EHMT1: variants seen among roughly 807,000 people sequenced by gnomAD.
The protein encoded by EHMT1 is euchromatic histone lysine methyltransferase 1.
EHMT1 carries 15 observed loss-of-function variants against 147.2 expected under a neutral mutation model. The observed-to-expected ratio is 0.10, with a 90% CI of 0.07 to 0.16. The LOEUF is 0.16. EHMT1 is among the 10% of genes least tolerant of loss of function. The pLI, the probability that EHMT1 is intolerant of heterozygous loss-of-function variation, is 1.00. For synonymous variants in EHMT1, 795 were observed against 709.6 expected, an observed-to-expected ratio of 1.12 and a Z score of -1.91; for missense variants, 1,587 against 1,772.4, an observed-to-expected ratio of 0.90 and a Z score of 1.88.
intron 1 of EHMT1, among the ~76,000 whole-genome samples, chr9:137,694,413 C>T (rs540208149): frequency 4.6e-5 from 7 of 152,054 alleles, no homozygotes; most frequent in Non-Finnish European, 1.0e-4. Context: ...GGACACTGGC[C>T]GATACCCACC....
At chr9:137,710,890 C>T in intron 1 of EHMT1, 77 bp from the exon 2 acceptor site, 1 of 1,510,080 alleles carries the variant, frequency 6.6e-7, no homozygotes, top group East Asian at 2.5e-5. Context: ...GATTTTTTGA[C>T]TTTTTCCAAA....
chr9:137,834,581 CG>C, intron 26 of EHMT1, 57 bp downstream of exon 26: 1 of 1,604,998 alleles, frequency 6.2e-7, no homozygotes. Flanking sequence ...GTTTTAGGAA[CG>C]GGGCTCGCAT....
At chr9:137,713,492 C>G (rs4333685) in intron 2 of EHMT1, among the ~76,000 whole-genome samples, 16,319 of 151,426 alleles carry the variant, frequency 0.11, 2,813 homozygotes, top group African/African-American at 0.37. Context: ...AGGATGGTCT[C>G]CATCTCCTGA....
intron 4 of EHMT1, among the ~76,000 whole-genome samples, chr9:137,734,647 G>A (rs1947380998): frequency 6.6e-6 from 1 of 152,204 alleles, no homozygotes; most frequent in South Asian, 2.1e-4. Context: ...ACCCACAGTA[G>A]ACACGTTATA....
chr9:137,827,524 G>A (rs1370400633), intron 25 of EHMT1, among the ~76,000 whole-genome samples: 1 of 152,176 alleles, frequency 6.6e-6, no homozygotes, highest in Non-Finnish European at 1.5e-5. Flanking sequence ...TGCCTTCAAA[G>A]TATTTCCTGG....
intron 1 of EHMT1, among the ~76,000 whole-genome samples, chr9:137,687,627 G>T (rs1942574721): frequency 6.6e-6 from 1 of 152,168 alleles, no homozygotes; most frequent in South Asian, 2.1e-4. Context: ...TCATGAATGG[G>T]ATTAGTGCCT....
At chr9:137,653,598 A>T (rs1050380449) in intron 1 of EHMT1, among the ~76,000 whole-genome samples, 4 of 151,492 alleles carry the variant, frequency 2.6e-5, no homozygotes, top group African/African-American at 9.7e-5. Flanking sequence ...GTGTGATCTC[A>T]GCTCACTGCA....
intron 25 of EHMT1, among the ~76,000 whole-genome samples, chr9:137,821,318 C>CTTTT (rs778919891): frequency 0.039 from 2,525 of 63,958 alleles, 401 homozygotes; most frequent in African/African-American, 0.16. Context: ...TGCGCCCGGC[C>CTTTT]TTTTTTTTTT....
At chr9:137,809,231 C>T (rs1588833802) in intron 18 of EHMT1, among the ~76,000 whole-genome samples, 1 of 152,214 alleles carries the variant, frequency 6.6e-6, no homozygotes, top group African/African-American at 2.4e-5. Flanking sequence ...CCAGGCCACT[C>T]GGTTTCTGTT....
chr9:137,717,250 C>T, intron 3 of EHMT1, 68 bp downstream of exon 3: 1 of 1,569,840 alleles, frequency 6.4e-7, no homozygotes, highest in South Asian at 1.1e-5. Flanking sequence ...GGCAAATGGA[C>T]TTTGGTGCAT....
At chr9:137,798,387 G>A (rs2137299241) in intron 16 of EHMT1, among the ~76,000 whole-genome samples, 1 of 152,054 alleles carries the variant, frequency 6.6e-6, no homozygotes, top group East Asian at 1.9e-4. Flanking sequence ...GGGCGATACA[G>A]CAAGACCCCA....
In EHMT1 at chr9:137,726,202, A is replaced by G. The variant is rs116559468; in HGVS notation, c.643-2147A>G. ...AGCACATTCACGCTGCCGTGCAGCC[A>G]TCGCCACCCTCCGTCTCTGGAACCT... On this transcript the variant is annotated intron_variant, in intron 3 of 26. Coordinates refer to ENST00000460843, the MANE Select transcript of EHMT1 (RefSeq NM_024757.5). Among the ~76,000 whole-genome samples the G allele has an allele frequency of 3.3e-3, 508 of 152,316 alleles. 4 individuals are homozygous for G. Among genetic ancestry groups the G allele is most frequent in the African/African-American group, 0.01 (436 of 41,558 alleles).
chr9:137,712,386 G>C (rs1011355242), intron 2 of EHMT1, among the ~76,000 whole-genome samples: 5 of 152,142 alleles, frequency 3.3e-5, no homozygotes, highest in Non-Finnish European at 4.4e-5. Context: ...GGACCCCCAC[G>C]GTGGCTGCCC....
Position 137,800,903 on chromosome 9 carries a change from G to A in EHMT1, c.2631G>A (p.Met877Ile). ...AGGATGACGGAGGCTGGACACCCAT[G>A]ATCTGGGCCACAGAGTACAAGCACG... ...NCQDDGGWTP[M>I]IWATEYKHVD... is the part of the protein sequence containing the mutation. The change falls in exon 18 of 27, where the codon ATG becomes ATA. Residue 877 changes from methionine (M) to isoleucine (I), a missense_variant. Met to Ile is a conservative substitution (Grantham distance 10). Coordinates refer to ENST00000460843, the MANE Select transcript of EHMT1 (RefSeq NM_024757.5). The A allele has an allele frequency of 6.2e-7, 1 of 1,614,148 alleles. No homozygotes were observed.
rs553283941 is a variant in EHMT1, at chr9:137,643,364, A to G, written c.21+24315A>G. Reference sequence around the variant, plus strand: ...TTTTTTTTTTTTTTTTTTTTTAGACAGAGTCTCACCCTCTCGCCCAGGCTG... The same window carrying G: ...TTTTTTTTTTTTTTTTTTTTTAGACGGAGTCTCACCCTCTCGCCCAGGCTG... On this transcript the variant is annotated intron_variant, in intron 1 of 26. Transcript: ENST00000460843. Among the ~76,000 whole-genome samples, 134 of 133,606 alleles carry G rather than the reference A, an allele frequency of 1.0e-3. 1 individual carries two copies. Among genetic ancestry groups the G allele is most frequent in the East Asian group, 1.5e-3 (7 of 4,718 alleles). 87.7% of individuals were successfully genotyped at this position (133,606 alleles called of 152,430 possible).
intron 1 of EHMT1, among the ~76,000 whole-genome samples, chr9:137,670,289 A>C (rs1217516857): frequency 6.6e-6 from 1 of 151,528 alleles, no homozygotes; most frequent in South Asian, 2.1e-4. Context: ...TCTCCCTTAG[A>C]TCCTTAGTCA....
At chr9:137,778,927 CAG>C (rs1023662861) in intron 13 of EHMT1, among the ~76,000 whole-genome samples, 9 of 152,172 alleles carry the variant, frequency 5.9e-5, no homozygotes, top group Non-Finnish European at 7.3e-5. Flanking sequence ...TAGCAAGAGA[CAG>C]AGAAGGGGGA....
chr9:137,631,976 T>C (rs1843659927), intron 1 of EHMT1, among the ~76,000 whole-genome samples: 1 of 152,214 alleles, frequency 6.6e-6, no homozygotes, highest in South Asian at 2.1e-4. Context: ...CTGCCTTTTC[T>C]GTGTTCAGAC....
intron 1 of EHMT1, among the ~76,000 whole-genome samples, chr9:137,672,369 T>C (rs1353433497): frequency 6.6e-6 from 1 of 152,236 alleles, no homozygotes; most frequent in East Asian, 1.9e-4. Flanking sequence ...GTAGGTTTAT[T>C]GTTATTTGTA....
Sources: gnomAD v4.1 joint callset for allele counts (sites outside exome capture counted in the v4.1 genomes callset) on GRCh38, gnomAD v4.1.1 for gene constraint, MANE v1.5 for transcripts, NCBI Gene and HGNC (gene_info 2026-07-23, HGNC 2026-07-21) for gene names.